NDE1: variants seen among roughly 807,000 people sequenced by gnomAD.
The protein encoded by NDE1 is nudE neurodevelopment protein 1.
Under a neutral mutation model 43.4 loss-of-function variants are expected in NDE1, and 28 were observed. The ratio of observed to expected loss-of-function variants is 0.65; its 90% CI spans 0.48 to 0.89. NDE1 has a LOEUF of 0.89. Among genes scored for constraint, NDE1 ranks in the 40% least tolerant of loss-of-function variants. The pLI is 0.00. For synonymous variants in NDE1, 184 were observed against 172.0 expected (o/e 1.07, Z -0.55); for missense variants, 441 against 434.1 (o/e 1.02, Z -0.14).
intron 2 of NDE1, among the ~76,000 whole-genome samples, chr16:15,665,748 C>T (rs2037267468): frequency 6.7e-6 from 1 of 150,082 alleles, no homozygotes; most frequent in Non-Finnish European, 1.5e-5. Context: ...CCTGGCCTTC[C>T]ATCTTATTTT....
At chr16:15,702,721 G>C (rs1375078095) in intron 8 of NDE1, among the ~76,000 whole-genome samples, 2 of 152,062 alleles carry the variant, frequency 1.3e-5, no homozygotes, top group African/African-American at 4.8e-5. Context: ...CTGACGTTTT[G>C]TGGAAAGTGT....
Position 15,687,513 on chromosome 16 carries a change from T to C in NDE1, c.523+2T>C. On this transcript the variant is annotated splice_donor_variant, in intron 5 of 8. Transcript: ENST00000396354. LOFTEE classifies it high-confidence loss of function. Reference sequence around the variant, plus strand: ...AGAGACTGAAGGATGAAGCCAGAGGTCAGGAGGCCTTGGTGTCTTCACCAG... The same window carrying C: ...AGAGACTGAAGGATGAAGCCAGAGGCCAGGAGGCCTTGGTGTCTTCACCAG... 1 of 1,613,320 alleles carries C rather than the reference T, an allele frequency of 6.2e-7. No homozygotes were observed. Among genetic ancestry groups the C allele is most frequent in the Non-Finnish European group, 8.5e-7 (1 of 1,179,462 alleles).
At chr16:15,696,665 G>C in intron 7 of NDE1, 44 bp from the exon 8 acceptor site, 3 of 1,613,924 alleles carry the variant, frequency 1.9e-6, no homozygotes, top group Non-Finnish European at 8.5e-7. Flanking sequence ...AGACAGAATA[G>C]TCCTTGCCTA....
Position 15,697,250 on chromosome 16 carries a change from C to T in NDE1, c.947+390C>T, listed in dbSNP as rs117872607. Among the ~76,000 whole-genome samples, 1,259 of 152,232 alleles carry T rather than the reference C, an allele frequency of 8.3e-3. 8 individuals carry two copies. Among genetic ancestry groups the T allele is most frequent in the Non-Finnish European group, 0.014 (962 of 68,020 alleles). ...CTAGAGACAGGTTTTGCCATGTTGC[C>T]GAGTTTGGTCTCAAACTCTGAGCTT... is the stretch of plus-strand genomic sequence containing the variant. On this transcript the variant is annotated intron_variant, in intron 8 of 8. Transcript: ENST00000396354.
At chr16:15,663,478 G>A (rs9939921) in intron 1 of NDE1, among the ~76,000 whole-genome samples, 98,045 of 151,466 alleles carry the variant, frequency 0.65, 32,974 homozygotes, top group African/African-American at 0.83. Context: ...TCCTGCCCTC[G>A]TGATCTGCCT....
Position 15,725,134 on chromosome 16 carries a change from T to TA in NDE1, c.*898dup, listed in dbSNP as rs60544332. On this transcript the variant is annotated 3_prime_UTR_variant, in exon 9 of 9. Transcript: ENST00000396354. ...ATACCCGTGAGGTATGGGACTCTGA[T>TA]AAAAAAAAAAAAAAACACACACACA... The TA allele has an allele frequency of 0.14, 69,588 of 489,560 alleles. 303 individuals are homozygous for TA. Among genetic ancestry groups the TA allele is most frequent in the South Asian group, 0.19 (7,843 of 40,730 alleles). The allele number at this position is 489,560 out of a possible 1,614,324, so 30.3% of individuals were successfully genotyped here.
chr16:15,717,068 C>CCTGACTTCACTATGACT, intron 8 of NDE1: 1 of 1,516,152 alleles, frequency 6.6e-7, no homozygotes, highest in Non-Finnish European at 9.2e-7. Flanking sequence ...GAAGAGGTTC[C>CCTGACTTCACTATGACT]CTGACTTCAC....
intron 1 of NDE1, among the ~76,000 whole-genome samples, chr16:15,656,299 G>A (rs979075120): frequency 6.6e-6 from 1 of 152,074 alleles, no homozygotes; most frequent in Non-Finnish European, 1.5e-5. Flanking sequence ...CTTGGTTGGA[G>A]TGAAAGATTT....
intron 8 of NDE1, chr16:15,708,724 G>C: frequency 7.0e-7 from 1 of 1,431,216 alleles, no homozygotes; most frequent in Non-Finnish European, 9.7e-7. Flanking sequence ...TAAAAATTGG[G>C]GTGGGCAGAG....
chr16:15,643,641 T>C (rs1175180976), exon 1 of NDE1: 1 of 276,388 alleles, frequency 3.6e-6, no homozygotes, highest in East Asian at 1.7e-4. Context: ...AAATGGCGCA[T>C]ATTCCCCAGC....
At chr16:15,700,398 C>G in intron 8 of NDE1, 1 of 152,810 alleles carries the variant, frequency 6.5e-6, no homozygotes, top group Non-Finnish European at 1.5e-5. Context: ...CGTTCCCATG[C>G]CCCATTGTGT....
At chr16:15,700,229 TG>T in intron 8 of NDE1, 1 of 509,572 alleles carries the variant, frequency 2.0e-6, no homozygotes, top group Non-Finnish European at 2.6e-6. Context: ...TCCAGGTAGC[TG>T]GGATTACAGG....
In NDE1 at chr16:15,658,803, C is replaced by T. The variant is rs141602049; in HGVS notation, c.-43-5933C>T. Among the ~76,000 whole-genome samples the T allele has an allele frequency of 2.0e-3, 299 of 152,172 alleles. 6 individuals carry two copies. The South Asian group carries it at 0.038, about 19-fold the overall frequency. On this transcript the variant is annotated intron_variant, in intron 1 of 8. Coordinates refer to ENST00000396354, the MANE Select transcript of NDE1 (RefSeq NM_017668.3). ...TCCCGAGTAGTTGGGATCATAGGTG[C>T]CTGCCACCACACCCAGCTAATTTTT...
chr16:15,694,378 C>T (rs1036493612), intron 7 of NDE1, 122 bp downstream of exon 7: 30 of 1,536,730 alleles, frequency 2.0e-5, no homozygotes, highest in Non-Finnish European at 2.4e-5. Flanking sequence ...CAGGGTCTTG[C>T]TCTGTTGCTC....
chr16:15,721,640 A>G lies in NDE1; in HGVS notation c.948-2551A>G, dbSNP rs763623128. ...TTTTTCTCCTCGGCTAACAACTACA[A>G]CACAAGACCCAGAGGTGACTTCTAG... On this transcript the variant is annotated intron_variant, in intron 8 of 8. Transcript: ENST00000396354. 2 of 1,614,074 alleles carry G rather than the reference A, an allele frequency of 1.2e-6. No individual in the cohort carries two copies. Among genetic ancestry groups the G allele is most frequent in the African/African-American group, 2.7e-5 (2 of 75,028 alleles).
At chr16:15,650,822 C>T (rs1319759849) in intron 1 of NDE1, among the ~76,000 whole-genome samples, 2 of 152,100 alleles carry the variant, frequency 1.3e-5, no homozygotes, top group East Asian at 1.9e-4. Context: ...GCAGCGTTGC[C>T]CCTGCCCTCA....
upstream of NDE1, among the ~76,000 whole-genome samples, chr16:15,647,050 GAAATA>G (rs746979648): frequency 1.7e-4 from 26 of 152,232 alleles, no homozygotes; most frequent in Non-Finnish European, 3.2e-4. Context: ...ACTCTGTCTC[GAAATA>G]AAATAAAATT....
rs2040382184 is a variant in NDE1 at position 15,720,019 on chromosome 16, A to G, written c.948-4172A>G. On this transcript the variant is annotated intron_variant, in intron 8 of 8. Transcript: ENST00000396354. ...GCCACCAAATCCTGAATGGTTCCAG[A>G]AAAACCCCAGCTGAACCCACACCAA... is the stretch of plus-strand genomic sequence containing the variant. 9 of 1,314,036 alleles carry G rather than the reference A, an allele frequency of 6.8e-6. No homozygotes were observed. The East Asian group carries it at 2.1e-4, about 30-fold the overall frequency. The allele number at this position is 1,314,036 out of a possible 1,614,324, so 81.4% of individuals were successfully genotyped here.
intron 8 of NDE1, chr16:15,719,831 C>A (rs2040371608): frequency 2.8e-6 from 4 of 1,422,892 alleles, no homozygotes; most frequent in Non-Finnish European, 2.9e-6. Flanking sequence ...CAAAGAAGTT[C>A]CCATTGCACG....
Sources: allele counts gnomAD v4.1 joint callset (sites outside exome capture counted in the v4.1 genomes callset), GRCh38; gene constraint gnomAD v4.1.1; transcripts MANE v1.5; gene names NCBI Gene and HGNC (gene_info 2026-07-23, HGNC 2026-07-21).